The following MIA2 variants were observed in gnomAD, a reference collection of about 807,000 sequenced individuals.
The protein encoded by MIA2 is MIA SH3 domain ER export factor 2.
A neutral mutation model predicts 167.8 loss-of-function variants in MIA2; 127 were observed. That is an observed-to-expected ratio of 0.76 (90% CI 0.66 to 0.88). MIA2 has a LOEUF of 0.88. Among genes scored for constraint, MIA2 ranks in the 40% least tolerant of loss-of-function variants. The probability of loss-of-function intolerance (pLI) is 0.00; values close to 1 mark genes in which losing one functional copy is unlikely to be tolerated. For synonymous variants in MIA2, 552 were observed against 541.9 expected (o/e 1.02, Z -0.26); for missense variants, 1,690 against 1,624.7 (o/e 1.04, Z -0.69).
intron 9 of MIA2, among the ~76,000 whole-genome samples, chr14:39,282,480 G>A (rs540091172): frequency 6.6e-6 from 1 of 152,116 alleles, no homozygotes; most frequent in East Asian, 1.9e-4. Flanking sequence ...CAGCTATAAT[G>A]TACTCATATA....
intron 17 of MIA2, among the ~76,000 whole-genome samples, chr14:39,305,578 G>C (rs1432529247): frequency 2.0e-5 from 3 of 152,098 alleles, no homozygotes; most frequent in Non-Finnish European, 4.4e-5. Flanking sequence ...CCTCTAAACT[G>C]TTTCTTCCTT....
chr14:39,335,396 G>A (rs188031325), intron 25 of MIA2, among the ~76,000 whole-genome samples: 2 of 152,234 alleles, frequency 1.3e-5, no homozygotes. Context: ...CTACTTGGAA[G>A]AAGTGTTTTA....
chr14:39,358,666 C>A (rs537146953), intron 23 of MIA2, among the ~76,000 whole-genome samples: 1 of 152,142 alleles, frequency 6.6e-6, no homozygotes, highest in South Asian at 2.1e-4. Context: ...GTCTGTTTTT[C>A]CCCCATCTTA....
chr14:39,359,927 A>C (rs891765332), intron 23 of MIA2, among the ~76,000 whole-genome samples: 15 of 151,184 alleles, frequency 9.9e-5, no homozygotes, highest in African/African-American at 3.4e-4. Flanking sequence ...CATAGTGGTT[A>C]TACTAATTTA....
chr14:39,319,498 TTTTA>T (rs1248900282), intron 23 of MIA2, among the ~76,000 whole-genome samples: 2 of 151,962 alleles, frequency 1.3e-5, no homozygotes, highest in African/African-American at 4.8e-5. Flanking sequence ...TTACTGTTGC[TTTTA>T]TTTCTCAGTG....
intron 24 of MIA2, among the ~76,000 whole-genome samples, chr14:39,323,469 A>C (rs141893666): frequency 1.1e-5 from 1 of 87,024 alleles, no homozygotes; most frequent in Admixed American, 1.6e-4. Context: ...TCCATTTTTT[A>C]CCTTGGCTTA....
chr14:39,270,224 C>CT lies in MIA2; in HGVS notation c.1888-6709dup, dbSNP rs2056885649. 2.5e-4 allele frequency among the ~76,000 whole-genome samples: 28 copies of CT among 113,774 alleles called. No individual in the cohort carries two copies. The South Asian group carries it at 8.2e-3, about 33-fold the overall frequency. The allele number at this position is 113,774 out of a possible 152,430, so 74.6% of individuals were successfully genotyped here. A position where few individuals can be genotyped will look rare whatever the true frequency, so the allele number is the denominator to read the frequency against. ...GGTTTTTTTTTTTTTTTTTTTGAGA[C>CT]TGAGTCTTGCTCTGTCACCCAGGCT... On this transcript the variant is annotated intron_variant, in intron 6 of 28. Transcript: ENST00000640607.
At chr14:39,348,120 A>T (rs146832389) in intron 27 of MIA2, among the ~76,000 whole-genome samples, 1 of 152,180 alleles carries the variant, frequency 6.6e-6, no homozygotes, top group South Asian at 2.1e-4. Flanking sequence ...GCCCTGAGCC[A>T]CTGTGCCTGG....
intron 23 of MIA2, 47 bp downstream of exon 23, chr14:39,319,338 A>G (rs1191983361): frequency 1.1e-5 from 10 of 874,326 alleles, no homozygotes; most frequent in African/African-American, 1.7e-5. Context: ...TATTTTACAT[A>G]TATATATATA....
Position 39,315,698 on chromosome 14 carries a change from A to G in MIA2, c.3196A>G (p.Lys1066Glu). The G allele has an allele frequency of 6.4e-7, 1 of 1,556,120 alleles. No individual in the cohort carries two copies. The highest frequency in any genetic ancestry group is 8.8e-7 in the Non-Finnish European group (1 of 1,140,294). Residue 1066 changes from lysine to glutamate, a missense_variant, in exon 21 of 29, where the codon AAA becomes GAA. Transcript: ENST00000640607. ...TCTTTTTCAGATTATTTCCCATGAG[A>G]AAAAAGCACATGATAATTGGGTAAG... ...SYQGQIISHE[K>E]KAHDNWLAAR...
chr14:39,314,859 A>G, intron 20 of MIA2, 60 bp downstream of exon 20: 1 of 1,120,634 alleles, frequency 8.9e-7, no homozygotes, highest in Non-Finnish European at 1.2e-6. Context: ...ATTTAAAACA[A>G]TTCTGATTTC....
In MIA2 at chr14:39,318,014, A is replaced by C; in HGVS notation, c.3284+3A>C. 2 of 1,571,194 alleles carry C rather than the reference A, an allele frequency of 1.3e-6. No individual in the cohort carries two copies. Among genetic ancestry groups the C allele is most frequent in the Non-Finnish European group, 1.7e-6 (2 of 1,161,198 alleles). ...GAAAATGCTCACAACAGACAAAAGT[A>C]AGTATCTTAGTGGGAACATTTAAAA... On this transcript the variant is annotated splice_donor_region_variant and intron_variant, in intron 22 of 28. Transcript: ENST00000640607.
Position 39,304,348 on chromosome 14 carries a change from T to C in MIA2, c.2845T>C (p.Ser949Pro), listed in dbSNP as rs1458895945. 1.3e-6 allele frequency: 2 copies of C among 1,574,318 alleles called. No individual in the cohort carries two copies. ...AAGAAACCAAATTTATATTCAGTTG[T>C]CTGAAGTTGATAAAACAAAGGAAGA... ...GERNQIYIQL[S>P]EVDKTKEELT... Residue 949 changes from serine (S) to proline (P), a missense_variant, in exon 17 of 29, where the codon TCT (serine) becomes CCT (proline). By Grantham distance (74) the Ser-to-Pro change is moderately conservative (BLOSUM62 -1). Coordinates refer to ENST00000640607, the MANE Select transcript of MIA2 (RefSeq NM_001329214.4).
rs148520026 is a variant in MIA2 at position 39,283,418 on chromosome 14, G to A, written c.2130+3881G>A. 5.8e-3 allele frequency among the ~76,000 whole-genome samples: 890 copies of A among 152,234 alleles called. 3 individuals are homozygous for A. Among genetic ancestry groups the A allele is most frequent in the Admixed American group, 0.011 (169 of 15,286 alleles). On this transcript the variant is annotated intron_variant, in intron 9 of 28. Coordinates refer to ENST00000640607, the MANE Select transcript of MIA2 (RefSeq NM_001329214.4). ...GAAAATTGACTTTAAGTGAAACAGTGTATACTGAATTCAGTTTTTTTTTCT... is the reference window on the plus strand; with the variant it reads ...GAAAATTGACTTTAAGTGAAACAGTATATACTGAATTCAGTTTTTTTTTCT...
intron 25 of MIA2, among the ~76,000 whole-genome samples, chr14:39,328,457 C>G (rs999700294): frequency 2.0e-5 from 3 of 152,124 alleles, no homozygotes; most frequent in African/African-American, 4.8e-5. Context: ...TGTGCAGAAG[C>G]TCTTCAGTTT....
chr14:39,366,514 C>A (rs981790954), intron 23 of MIA2, among the ~76,000 whole-genome samples: 3 of 152,078 alleles, frequency 2.0e-5, no homozygotes, highest in Non-Finnish European at 4.4e-5. Flanking sequence ...CACGTGCCAG[C>A]GAGTACCAGC....
At chr14:39,291,781 A>C (rs973262287) in intron 10 of MIA2, among the ~76,000 whole-genome samples, 9 of 152,208 alleles carry the variant, frequency 5.9e-5, no homozygotes, top group African/African-American at 2.2e-4. Flanking sequence ...TAAGGAAGGA[A>C]AGTATGGTAA....
intron 2 of MIA2, among the ~76,000 whole-genome samples, chr14:39,239,835 G>A (rs938947474): frequency 2.6e-5 from 4 of 152,184 alleles, no homozygotes; most frequent in African/African-American, 9.7e-5. Context: ...CAGTCTGTCA[G>A]TTTCCAAATA....
chr14:39,304,782 C>T (rs1283511899), intron 17 of MIA2, among the ~76,000 whole-genome samples: 2 of 152,038 alleles, frequency 1.3e-5, no homozygotes, highest in Non-Finnish European at 2.9e-5. Context: ...CTTTAATGTA[C>T]ATACGTAGTA....
Sources: allele counts gnomAD v4.1 joint callset (sites outside exome capture counted in the v4.1 genomes callset), GRCh38; gene constraint gnomAD v4.1.1; transcripts MANE v1.5; gene names NCBI Gene and HGNC (gene_info 2026-07-23, HGNC 2026-07-21).